Variants in KIAA1614 observed in about 807,000 individuals in gnomAD.
KIAA1614 encodes the protein uncharacterized protein KIAA1614.
Under a neutral mutation model 88.7 loss-of-function variants are expected in KIAA1614, and 76 were observed. That is an observed-to-expected ratio of 0.86 (90% CI 0.71 to 1.04). The LOEUF (loss-of-function observed/expected upper bound fraction) is 1.04. Among genes scored for constraint, KIAA1614 ranks in the 50% least tolerant of loss-of-function variants. The pLI, the probability that KIAA1614 is intolerant of heterozygous loss-of-function variation, is 0.00. For missense variants in KIAA1614, 1,553 were observed against 1,582.5 expected, an observed-to-expected ratio of 0.98 and a Z score of 0.32; for synonymous variants, 714 against 675.5, an observed-to-expected ratio of 1.06 and a Z score of -0.88.
intron 3 of KIAA1614, among the ~76,000 whole-genome samples, chr1:180,918,416 C>A (rs1397675636): frequency 1.3e-5 from 2 of 152,208 alleles, no homozygotes; most frequent in Admixed American, 1.3e-4. Context: ...TTCGCTCCAG[C>A]CCCTCCACCA....
rs1166041381 is a variant in KIAA1614, at chr1:180,944,416, G to A, written c.3187G>A (p.Ala1063Thr). 1 of 1,613,820 alleles carries A rather than the reference G, an allele frequency of 6.2e-7. No homozygotes were observed. The highest frequency in any genetic ancestry group is 8.5e-7 in the Non-Finnish European group (1 of 1,179,866). Residue 1063 changes from alanine (A) to threonine (T), a missense_variant, in exon 8 of 9, where the codon GCT (alanine) becomes ACT (threonine). By Grantham distance (58) the Ala-to-Thr change is moderately conservative (BLOSUM62 0). Coordinates refer to ENST00000367588, the MANE Select transcript of KIAA1614 (RefSeq NM_020950.2). ...GTCACCCTCTCACCAGCGTCGGAAA[G>A]CTGCCTCTTTTCAGAACCTCCATTC... ...PVSPSHQRRK[A>T]ASFQNLHSLL...
Position 180,916,220 on chromosome 1 carries a change from T to C in KIAA1614, c.117T>C (p.Gly39=). The part of the protein sequence containing the change: ...VEGTSAVEWS[G]PEPQLDNGHP... ...GGACCTCAGCTGTGGAGTGGAGTGG[T>C]CCTGAGCCACAGCTGGATAACGGAC... The change falls in exon 2 of 9, where the codon GGT becomes GGC. Residue 39 remains glycine (G), a synonymous_variant. Coordinates refer to ENST00000367588, the MANE Select transcript of KIAA1614 (RefSeq NM_020950.2). 6.2e-7 allele frequency: 1 copy of C among 1,612,578 alleles called. No individual in the cohort carries two copies. The highest frequency in any genetic ancestry group is 8.5e-7 in the Non-Finnish European group (1 of 1,179,652).
chr1:180,934,726 G>A (rs1391118317), intron 4 of KIAA1614, among the ~76,000 whole-genome samples: 1 of 152,122 alleles, frequency 6.6e-6, no homozygotes, highest in African/African-American at 2.4e-5. Flanking sequence ...AAAATACATG[G>A]TGGTCAGGCT....
chr1:180,915,543 A>T (rs1236056902), intron 1 of KIAA1614, among the ~76,000 whole-genome samples: 1 of 152,204 alleles, frequency 6.6e-6, no homozygotes, highest in Non-Finnish European at 1.5e-5. Flanking sequence ...GGATAGAAAA[A>T]CTAGAACACT....
In KIAA1614 at chr1:180,935,568, G is replaced by GC. The variant is rs768029757; in HGVS notation, c.1665dup (p.Val556ArgfsTer64). The GC allele has an allele frequency of 5.6e-6, 9 of 1,602,730 alleles. No individual in the cohort carries two copies. Among genetic ancestry groups the GC allele is most frequent in the Admixed American group, 1.7e-5 (1 of 59,322 alleles). ...ACCCGCGCCCCGCCCAGGGGAAGGC[G>GC]CCCCCCGTCCCCAGGACCCTCCAGG... On this transcript the variant is annotated frameshift_variant, in exon 5 of 9. Coordinates refer to ENST00000367588, the MANE Select transcript of KIAA1614 (RefSeq NM_020950.2). LOFTEE classifies it high-confidence loss of function. The surrounding 1 kb of genome is among the most constrained non-coding windows in gnomAD (Gnocchi z 6.1).
At chr1:180,941,024 A>T (rs756841076) in intron 6 of KIAA1614, 21 bp from the exon 7 acceptor site, 2 of 177,948 alleles carry the variant, frequency 1.1e-5, no homozygotes, top group South Asian at 1.6e-4. Flanking sequence ...CCGCCCCCTC[A>T]CCTCCACCCT....
rs577819363 is a variant in KIAA1614, at chr1:180,921,626, TCTC to T, written c.1061+3715_1061+3717del. 2.3e-3 allele frequency among the ~76,000 whole-genome samples: 352 copies of T among 152,030 alleles called. 1 individual carries two copies. The highest frequency in any genetic ancestry group is 3.5e-3 in the Non-Finnish European group (239 of 67,962). ...ACCCCTTGGGCTAGGGATCTGGGGG[TCTC>T]CTTCCCCTCCCAGCCTGCTCTGTTC... On this transcript the variant is annotated intron_variant, in intron 3 of 8. Coordinates refer to ENST00000367588, the MANE Select transcript of KIAA1614 (RefSeq NM_020950.2).
At chr1:180,930,162 G>A (rs1003662734) in intron 4 of KIAA1614, among the ~76,000 whole-genome samples, 2 of 152,182 alleles carry the variant, frequency 1.3e-5, no homozygotes, top group Admixed American at 1.3e-4. Flanking sequence ...GCTCACGCCT[G>A]TAATCCCACC....
chr1:180,919,696 A>G (rs1247990195), intron 3 of KIAA1614, among the ~76,000 whole-genome samples: 2 of 152,162 alleles, frequency 1.3e-5, no homozygotes, highest in Non-Finnish European at 2.9e-5. Flanking sequence ...AGCCCGTTGG[A>G]TACTAAGGAA....
Position 180,916,428 on chromosome 1 carries a change from G to A in KIAA1614, c.325G>A (p.Glu109Lys). Residue 109 changes from glutamate to lysine, a missense_variant, in exon 2 of 9, where the codon GAG (glutamate) becomes AAG (lysine). Physicochemically the swap from Glu to Lys is moderately conservative, Grantham distance 56. Coordinates refer to ENST00000367588, the MANE Select transcript of KIAA1614 (RefSeq NM_020950.2). ...AGTGAGTCCCTGCTCTGCTTCCCAA[G>A]AGTGGTCATCCCCCAAGAAACCCCA... ...QGVSPCSASQ[E>K]WSSPKKPQCR... The A allele has an allele frequency of 6.2e-7, 1 of 1,614,214 alleles. No homozygotes were observed. The highest frequency in any genetic ancestry group is 8.5e-7 in the Non-Finnish European group (1 of 1,180,042).
chr1:180,913,649 G>T (rs1653712985), intron 1 of KIAA1614, among the ~76,000 whole-genome samples: 1 of 152,194 alleles, frequency 6.6e-6, no homozygotes, highest in Non-Finnish European at 1.5e-5. Flanking sequence ...TTTGGAGCCA[G>T]GGTCTCGCTC....
At position 180,945,439 on chromosome 1, in the gene KIAA1614, G is replaced by A; in HGVS notation, c.3424G>A (p.Gly1142Ser). The change falls in exon 9 of 9, where the codon GGC (glycine) becomes AGC (serine). Residue 1142 changes from glycine (G) to serine (S), a missense_variant. Physicochemically the swap from Gly to Ser is moderately conservative, Grantham distance 56 (BLOSUM62 0). Coordinates refer to ENST00000367588, the MANE Select transcript of KIAA1614 (RefSeq NM_020950.2). ...GCTGCAGCTGCAGCGCTCCCCAGGG[G>A]GCACTTTCGGCTTCTGCGTGGCCTC... ...SQLQLQRSPG[G>S]TFGFCVASGN... The A allele has an allele frequency of 6.2e-7, 1 of 1,612,082 alleles. No homozygotes were observed. The highest frequency in any genetic ancestry group is 1.7e-4 in the Middle Eastern group (1 of 6,042).
intron 3 of KIAA1614, 47 bp downstream of exon 3, chr1:180,917,961 GTCCC>G: frequency 6.6e-7 from 1 of 1,515,006 alleles, no homozygotes; most frequent in Non-Finnish European, 9.2e-7. Flanking sequence ...CCTCACCATG[GTCCC>G]TCTATTTACT....
intron 4 of KIAA1614, among the ~76,000 whole-genome samples, chr1:180,933,635 C>T (rs1558069124): frequency 1.3e-5 from 2 of 152,180 alleles, no homozygotes; most frequent in Admixed American, 6.5e-5. Context: ...GCCTGAAACT[C>T]GGGTTACCTG....
At chr1:180,943,357 G>A (rs2102276577) in intron 7 of KIAA1614, among the ~76,000 whole-genome samples, 1 of 150,210 alleles carries the variant, frequency 6.7e-6, no homozygotes, top group South Asian at 2.1e-4. Flanking sequence ...TTATCCACTT[G>A]TTGGTTGATG....
chr1:180,945,602 G>A lies in KIAA1614; in HGVS notation c.*14G>A. ...GTCTTTGGCTGAGCCGTGCAGCTCT[G>A]GGAATTCAGAAAGCCTCTGACTACA... On this transcript the variant is annotated 3_prime_UTR_variant, in exon 9 of 9. Transcript: ENST00000367588. The A allele has an allele frequency of 6.3e-6, 10 of 1,588,394 alleles. No individual in the cohort carries two copies. Among genetic ancestry groups the A allele is most frequent in the Non-Finnish European group, 6.8e-6 (8 of 1,172,976 alleles).
chr1:180,918,608 C>T (rs180945719), intron 3 of KIAA1614, among the ~76,000 whole-genome samples: 28 of 152,276 alleles, frequency 1.8e-4, no homozygotes, highest in East Asian at 5.8e-4. Flanking sequence ...TCAGTCTTTG[C>T]GAGGCTCCTG....
chr1:180,918,254 A>G (rs1046958566), intron 3 of KIAA1614, among the ~76,000 whole-genome samples: 2 of 152,192 alleles, frequency 1.3e-5, no homozygotes, highest in Non-Finnish European at 2.9e-5. Flanking sequence ...TTCACTTCAC[A>G]GGACCATTGT....
At position 180,945,385 on chromosome 1, in the gene KIAA1614, G is replaced by A; in HGVS notation, c.3370G>A (p.Val1124Met). 2 of 1,601,476 alleles carry A rather than the reference G, an allele frequency of 1.2e-6. No individual in the cohort carries two copies. Among genetic ancestry groups the A allele is most frequent in the East Asian group, 2.2e-5 (1 of 44,694 alleles). ...PSLARTVGRL[V>M]EVFPDGTSQL... ...CCTGGCTCGCACCGTGGGCCGCCTG[G>A]TGGAGGTGTTCCCAGACGGCACCAG... Residue 1124 changes from valine to methionine, a missense_variant, in exon 9 of 9, where the codon GTG (valine) becomes ATG (methionine). Transcript: ENST00000367588.
Sources: allele counts gnomAD v4.1 joint callset (sites outside exome capture counted in the v4.1 genomes callset), GRCh38; gene constraint gnomAD v4.1.1; non-coding constraint Gnocchi (gnomAD v3.1); transcripts MANE v1.5; gene names NCBI Gene and HGNC (gene_info 2026-07-23, HGNC 2026-07-21).